NEDD9: variants seen among roughly 807,000 people sequenced by gnomAD.
NEDD9 encodes the protein enhancer of filamentation 1.
NEDD9 carries 26 observed loss-of-function variants against 76.6 expected under a neutral mutation model. The observed-to-expected ratio is 0.34, with a 90% confidence interval of 0.25 to 0.47. The LOEUF is 0.47. Among genes scored for constraint, NEDD9 ranks in the 20% least tolerant of loss-of-function variants. NEDD9 has a pLI of 1.00. For missense variants in NEDD9, 937 were observed against 1,058.5 expected, an observed-to-expected ratio of 0.89 and a Z score of 1.59; for synonymous variants, 392 against 414.2, an observed-to-expected ratio of 0.95 and a Z score of 0.65.
chr6:11,192,221 C>A, intron 4 of NEDD9, 124 bp downstream of exon 4: 1 of 590,040 alleles, frequency 1.7e-6, no homozygotes. Context: ...ACATTTTCCC[C>A]TTTTGGGTTT....
chr6:11,307,536 T>C (rs1761225152), intron 2 of NEDD9, among the ~76,000 whole-genome samples: 1 of 152,108 alleles, frequency 6.6e-6, no homozygotes, highest in African/African-American at 2.4e-5. Flanking sequence ...TACTCACACC[T>C]TGAGGCATTT....
At chr6:11,336,258 G>A (rs1762158716) in intron 1 of NEDD9, among the ~76,000 whole-genome samples, 1 of 152,154 alleles carries the variant, frequency 6.6e-6, no homozygotes, top group South Asian at 2.1e-4. Flanking sequence ...TTGACGATGG[G>A]GACGTGTTCT....
chr6:11,214,877 A>G (rs1179964775), intron 1 of NEDD9, among the ~76,000 whole-genome samples: 1 of 152,174 alleles, frequency 6.6e-6, no homozygotes, highest in Non-Finnish European at 1.5e-5. Context: ...GGAAGAAAGG[A>G]TTACGGATTG....
intron 3 of NEDD9, among the ~76,000 whole-genome samples, chr6:11,299,735 C>T (rs2113398702): frequency 6.6e-6 from 1 of 152,296 alleles, no homozygotes. Flanking sequence ...TGGATTAGAC[C>T]TCCAGCAAAC....
At chr6:11,360,487 G>A (rs1291068272) in intron 1 of NEDD9, among the ~76,000 whole-genome samples, 1 of 152,144 alleles carries the variant, frequency 6.6e-6, no homozygotes. Flanking sequence ...GGGGCCTGGT[G>A]GGAGGTGATT....
intron 1 of NEDD9, among the ~76,000 whole-genome samples, chr6:11,373,848 G>A (rs1762924305): frequency 6.6e-6 from 1 of 152,114 alleles, no homozygotes; most frequent in South Asian, 2.1e-4. Flanking sequence ...CATAATGTAG[G>A]TGGGCCTCCA....
chr6:11,218,837 G>T (rs116649654), intron 1 of NEDD9, among the ~76,000 whole-genome samples: 1 of 152,158 alleles, frequency 6.6e-6, no homozygotes, highest in African/African-American at 2.4e-5. Context: ...GAAAGGGCCT[G>T]CCCCTCCCTA....
chr6:11,251,944 G>C (rs548936770), intron 3 of NEDD9, among the ~76,000 whole-genome samples: 12 of 152,238 alleles, frequency 7.9e-5, no homozygotes, highest in South Asian at 2.1e-4. Context: ...GTGTGTGTGG[G>C]GGGGGATGGT....
chr6:11,230,714 C>T (rs943523870), intron 1 of NEDD9, among the ~76,000 whole-genome samples: 2 of 152,214 alleles, frequency 1.3e-5, no homozygotes, highest in African/African-American at 4.8e-5. Context: ...AAGGTGCCTA[C>T]AAGGTAATAA....
intron 1 of NEDD9, among the ~76,000 whole-genome samples, chr6:11,344,724 A>G (rs1005340187): frequency 1.3e-5 from 2 of 152,202 alleles, no homozygotes; most frequent in Non-Finnish European, 2.9e-5. Context: ...TGTGTCCATC[A>G]TGAGCATCAG....
chr6:11,305,544 C>G (rs1196935132), intron 3 of NEDD9, among the ~76,000 whole-genome samples: 2 of 152,164 alleles, frequency 1.3e-5, no homozygotes, highest in Non-Finnish European at 2.9e-5. Context: ...ACACTCTACT[C>G]CAGGCCAACT....
At chr6:11,278,430 G>A (rs1051929675) in intron 3 of NEDD9, among the ~76,000 whole-genome samples, 4 of 152,166 alleles carry the variant, frequency 2.6e-5, no homozygotes, top group African/African-American at 9.7e-5. Flanking sequence ...ACAGAGTTGA[G>A]GTTTGAACCT....
intron 3 of NEDD9, among the ~76,000 whole-genome samples, chr6:11,257,407 C>G (rs1760024203): frequency 6.6e-6 from 1 of 152,128 alleles, no homozygotes; most frequent in South Asian, 2.1e-4. Context: ...AATGGGAAGA[C>G]AAGGATCTGG....
chr6:11,185,460 G>C lies in NEDD9; in HGVS notation c.2207C>G (p.Ala736Gly). 6.2e-7 allele frequency: 1 copy of C among 1,614,236 alleles called. No homozygotes were observed. Among genetic ancestry groups the C allele is most frequent in the Non-Finnish European group, 8.5e-7 (1 of 1,180,038 alleles). The change falls in exon 7 of 7, where the codon GCC becomes GGC. Residue 736 changes from alanine (A) to glycine (G), a missense_variant. By Grantham distance (60) the Ala-to-Gly change is moderately conservative. Transcript: ENST00000379446. The stretch of plus-strand genomic sequence containing the variant: ...TGCCACGAAGATTCGCGGGGGCTGG[G>C]CTGAGCTGACACAACTGAAGAGTGC... ...IDALFSCVSS[A>G]QPPRIFVAHS... is the part of the protein sequence containing the mutation.
upstream of NEDD9, among the ~76,000 whole-genome samples, chr6:11,234,254 G>T (rs961651341): frequency 6.6e-6 from 1 of 152,160 alleles, no homozygotes; most frequent in Non-Finnish European, 1.5e-5. Context: ...TAAGAATCCT[G>T]CAGACTGACC....
intron 3 of NEDD9, among the ~76,000 whole-genome samples, chr6:11,278,890 A>C (rs1219161201): frequency 6.6e-6 from 1 of 152,066 alleles, no homozygotes; most frequent in Non-Finnish European, 1.5e-5. Context: ...AAAGAGTAGC[A>C]GCTGACAGCT....
chr6:11,219,979 C>A (rs185535753), intron 1 of NEDD9, among the ~76,000 whole-genome samples: 3 of 152,314 alleles, frequency 2.0e-5, no homozygotes, highest in African/African-American at 7.2e-5. Context: ...TATGAAGTCA[C>A]AGGCATGAAG....
chr6:11,230,666 CAT>C (rs1759442383), intron 1 of NEDD9, among the ~76,000 whole-genome samples: 1 of 152,172 alleles, frequency 6.6e-6, no homozygotes, highest in African/African-American at 2.4e-5. Context: ...GGGCATAAGT[CAT>C]GTGTTCGGTC....
intron 3 of NEDD9, among the ~76,000 whole-genome samples, chr6:11,290,429 C>T (rs918678106): frequency 1.3e-5 from 2 of 152,098 alleles, no homozygotes; most frequent in Non-Finnish European, 2.9e-5. Flanking sequence ...TTCTATTTTC[C>T]TTGACTTTCC....
Sources: allele counts gnomAD v4.1 joint callset (sites outside exome capture counted in the v4.1 genomes callset), GRCh38; gene constraint gnomAD v4.1.1; transcripts MANE v1.5; gene names NCBI Gene and HGNC (gene_info 2026-07-23, HGNC 2026-07-21).